Variants in NELL1 observed in about 807,000 individuals in gnomAD.
NELL1 encodes neural EGFL like 1.
A neutral mutation model predicts 107.4 loss-of-function variants in NELL1; 76 were observed. That is an observed-to-expected ratio of 0.71 (90% CI 0.59 to 0.86). The LOEUF (loss-of-function observed/expected upper bound fraction) is 0.86. Ranked by LOEUF, NELL1 falls within the 40% of genes least tolerant of loss-of-function variation. NELL1 has a pLI of 0.00. For missense variants in NELL1, 1,024 were observed against 1,005.5 expected, an observed-to-expected ratio of 1.02 and a Z score of -0.25; for synonymous variants, 353 against 341.2, an observed-to-expected ratio of 1.03 and a Z score of -0.38.
chr11:20,862,605 CTTTTTTT>C (rs386373288), intron 4 of NELL1, among the ~76,000 whole-genome samples: 3 of 94,650 alleles, frequency 3.2e-5, no homozygotes, highest in African/African-American at 1.2e-4. Flanking sequence ...TGAGCTGCTG[CTTTTTTT>C]TTTTTTTTTT....
intron 4 of NELL1, among the ~76,000 whole-genome samples, chr11:20,867,561 G>A (rs1292868837): frequency 6.6e-6 from 1 of 152,048 alleles, no homozygotes; most frequent in Non-Finnish European, 1.5e-5. Flanking sequence ...CCGTTTTCTG[G>A]GCATCATTTG....
intron 4 of NELL1, among the ~76,000 whole-genome samples, chr11:20,851,220 A>G (rs1848789617): frequency 6.6e-6 from 1 of 152,298 alleles, no homozygotes; most frequent in East Asian, 1.9e-4. Context: ...TTTAGGTCAG[A>G]ATTGAGGAAC....
intron 14 of NELL1, among the ~76,000 whole-genome samples, chr11:21,285,128 T>A (rs182165302): frequency 6.6e-5 from 10 of 152,322 alleles, no homozygotes; most frequent in Admixed American, 5.9e-4. Context: ...CCAAAACTGA[T>A]TTTTTTCCCA....
At chr11:21,032,703 A>C (rs1273267567) in intron 12 of NELL1, among the ~76,000 whole-genome samples, 1 of 152,170 alleles carries the variant, frequency 6.6e-6, no homozygotes, top group Non-Finnish European at 1.5e-5. Context: ...GGATGTTTTA[A>C]GTCCAAACAT....
intron 12 of NELL1, among the ~76,000 whole-genome samples, chr11:21,019,092 C>G (rs1477930770): frequency 6.6e-6 from 1 of 152,106 alleles, no homozygotes; most frequent in African/African-American, 2.4e-5. Flanking sequence ...GGCTTGAGCT[C>G]TAGCTCTAAC....
chr11:21,022,160 A>G (rs1477154423), intron 12 of NELL1, among the ~76,000 whole-genome samples: 4 of 152,108 alleles, frequency 2.6e-5, no homozygotes, highest in Non-Finnish European at 5.9e-5. Context: ...TGCTTCATGT[A>G]TATGGAAAAG....
chr11:21,387,746 T>A (rs1159493257), intron 15 of NELL1, among the ~76,000 whole-genome samples: 1 of 151,592 alleles, frequency 6.6e-6, no homozygotes, highest in East Asian at 2.0e-4. Context: ...GTTACTATAG[T>A]AACCCTATAT....
At chr11:21,303,448 CTAT>C (rs936561476) in intron 14 of NELL1, among the ~76,000 whole-genome samples, 1 of 151,920 alleles carries the variant, frequency 6.6e-6, no homozygotes, top group African/African-American at 2.4e-5. Context: ...GTCAGAATTG[CTAT>C]TATTAAAAAG....
chr11:21,324,548 T>A (rs1850085514), intron 14 of NELL1, among the ~76,000 whole-genome samples: 1 of 152,078 alleles, frequency 6.6e-6, no homozygotes, highest in South Asian at 2.1e-4. Context: ...GCAACTTCCT[T>A]GAAACAGATT....
chr11:21,534,438 A>C lies in NELL1; in HGVS notation c.1710A>C (p.Pro570=), dbSNP rs749379004. 29 of 1,613,798 alleles carry C rather than the reference A, an allele frequency of 1.8e-5. No individual in the cohort carries two copies. Among genetic ancestry groups the C allele is most frequent in the Non-Finnish European group, 2.4e-5 (28 of 1,179,872 alleles). Residue 570 remains proline, a synonymous_variant, in exon 16 of 20, where the codon CCA becomes CCC. Transcript: ENST00000357134. ...ACCATTCCCGCTGCGTTAACCTGCC[A>C]GGGTGGTACCACTGTGAGTGCAGAA... ...CHNHSRCVNL[P]GWYHCECRSG...
At position 20,715,143 on chromosome 11, in the gene NELL1, C is replaced by G. The variant is rs558807562; in HGVS notation, c.184+37083C>G. The stretch of plus-strand genomic sequence containing the variant: ...GCCTGTAGTCCCAGCTACTCGGGAC[C>G]CTGAGGCAGGAGAATGGCGTGAACC... On this transcript the variant is annotated intron_variant, in intron 2 of 19. Coordinates refer to ENST00000357134, the MANE Select transcript of NELL1 (RefSeq NM_006157.5). Among the ~76,000 whole-genome samples the G allele has an allele frequency of 4.5e-4, 69 of 151,848 alleles. 2 individuals carry two copies. The South Asian group carries it at 5.6e-3, about 12-fold the overall frequency.
At chr11:20,871,866 A>T (rs11025791) in intron 4 of NELL1, among the ~76,000 whole-genome samples, 1 of 150,854 alleles carries the variant, frequency 6.6e-6, no homozygotes, top group African/African-American at 2.4e-5. Context: ...AAAAATACAA[A>T]AAGTTATCCG....
chr11:21,064,506 T>C (rs147173688), intron 12 of NELL1, among the ~76,000 whole-genome samples: 41 of 152,256 alleles, frequency 2.7e-4, no homozygotes, highest in African/African-American at 9.4e-4. Flanking sequence ...GGTTGAGTAG[T>C]CCAAGGTAAG....
chr11:21,352,825 C>T (rs1282653862), intron 14 of NELL1, among the ~76,000 whole-genome samples: 1 of 152,170 alleles, frequency 6.6e-6, no homozygotes, highest in Non-Finnish European at 1.5e-5. Context: ...TAAATGATTT[C>T]TCTGGGAAAC....
intron 15 of NELL1, among the ~76,000 whole-genome samples, chr11:21,372,016 T>G (rs2133754811): frequency 6.6e-6 from 1 of 152,198 alleles, no homozygotes; most frequent in South Asian, 2.1e-4. Flanking sequence ...GTAACTAAAA[T>G]TGTTCAGTAA....
At chr11:21,520,534 A>G (rs1855694331) in intron 15 of NELL1, among the ~76,000 whole-genome samples, 2 of 152,182 alleles carry the variant, frequency 1.3e-5, no homozygotes, top group Admixed American at 6.5e-5. Flanking sequence ...TGATGATAAG[A>G]GTGGAGATAC....
chr11:21,238,795 A>T (rs1858274953), intron 14 of NELL1, among the ~76,000 whole-genome samples: 1 of 152,062 alleles, frequency 6.6e-6, no homozygotes, highest in Non-Finnish European at 1.5e-5. Context: ...CATTAGGTGC[A>T]TGGGCTTTGG....
chr11:21,233,207 T>C (rs899620780), intron 14 of NELL1, among the ~76,000 whole-genome samples: 1 of 152,216 alleles, frequency 6.6e-6, no homozygotes, highest in Non-Finnish European at 1.5e-5. Flanking sequence ...ACAAAAACTC[T>C]CATTAAGTAT....
At chr11:20,846,523 G>A (rs1174744282) in intron 3 of NELL1, among the ~76,000 whole-genome samples, 1 of 152,140 alleles carries the variant, frequency 6.6e-6, no homozygotes, top group Non-Finnish European at 1.5e-5. Flanking sequence ...ATATGAATGA[G>A]TTGTTGGAGT....
Sources: gnomAD v4.1 joint callset for allele counts (sites outside exome capture counted in the v4.1 genomes callset) on GRCh38, gnomAD v4.1.1 for gene constraint, MANE v1.5 for transcripts, NCBI Gene and HGNC (gene_info 2026-07-23, HGNC 2026-07-21) for gene names.